APC: variants seen among roughly 807,000 people sequenced by gnomAD.
APC encodes the protein adenomatous polyposis coli protein.
A neutral mutation model predicts 247.0 loss-of-function variants in APC; 72 were observed. The ratio of observed to expected loss-of-function variants is 0.29; its 90% confidence interval spans 0.24 to 0.35. APC has a LOEUF of 0.35. Among genes scored for constraint, APC ranks in the 10% least tolerant of loss-of-function variants. The pLI, the probability that APC is intolerant of heterozygous loss-of-function variation, is 1.00. For missense variants in APC, 3,400 were observed against 3,360.7 expected (o/e 1.01, Z -0.29); for synonymous variants, 1,254 against 1,162.5 (o/e 1.08, Z -1.60).
At chr5:112,722,450 A>T (rs904122093) in intron 1 of APC, among the ~76,000 whole-genome samples, 5 of 152,168 alleles carry the variant, frequency 3.3e-5, no homozygotes, top group African/African-American at 1.2e-4. Flanking sequence ...TTCCCCACAC[A>T]CCAATAGTGG....
chr5:112,834,260 TAA>T lies in APC; in HGVS notation c.1744-687_1744-686del, dbSNP rs35769203. Reference sequence around the variant, plus strand: ...CGCCTTTTTTTTTTTTTTTTTTTTTTAAAAAGAGTTTCGCTCTGTCAGCCAGG... The same window carrying T: ...CGCCTTTTTTTTTTTTTTTTTTTTTTAAAGAGTTTCGCTCTGTCAGCCAGG... On this transcript the variant is annotated intron_variant, in intron 14 of 15. Coordinates refer to ENST00000257430, the MANE Select transcript of APC (RefSeq NM_000038.6). Among the ~76,000 whole-genome samples, 700 of 124,630 alleles carry T rather than the reference TAA, an allele frequency of 5.6e-3. 4 individuals carry two copies. Among genetic ancestry groups the T allele is most frequent in the Middle Eastern group, 0.013 (3 of 228 alleles). 81.8% of individuals were successfully genotyped at this position (124,630 alleles called of 152,430 possible).
intron 8 of APC, among the ~76,000 whole-genome samples, chr5:112,804,811 T>G (rs928512952): frequency 2.0e-5 from 3 of 151,904 alleles, no homozygotes; most frequent in African/African-American, 7.3e-5. Flanking sequence ...CTGGGCAACA[T>G]AGGGAGACTT....
intron 6 of APC, 143 bp downstream of exon 6, chr5:112,781,046 T>C: frequency 1.4e-6 from 1 of 689,736 alleles, no homozygotes; most frequent in South Asian, 1.6e-5. Context: ...AGATTTATCA[T>C]GGCTGCTGAG....
At position 112,838,280 on chromosome 5, in the gene APC, G is replaced by C. The variant is rs1222584945; in HGVS notation, c.2686G>C (p.Ala896Pro). The C allele has an allele frequency of 6.2e-7, 1 of 1,614,206 alleles. No homozygotes were observed. The highest frequency in any genetic ancestry group is 1.7e-5 in the Admixed American group (1 of 60,024). Residue 896 changes from alanine to proline, a missense_variant, in exon 16 of 16, where the codon GCC becomes CCC. This residue lies in a region of APC where 715 missense variants were observed against 656.6 expected (regional missense o/e 1.09). Transcript: ENST00000257430. ...TGCCAAAGTCATGGAAGAAGTGTCA[G>C]CCATTCATACCTCTCAGGAAGACAG... ...QIAKVMEEVS[A>P]IHTSQEDRSS... is the part of the protein sequence containing the mutation.
At chr5:112,751,304 T>C (rs1332837416) in intron 1 of APC, among the ~76,000 whole-genome samples, 1 of 152,092 alleles carries the variant, frequency 6.6e-6, no homozygotes. Flanking sequence ...TATTTTAATA[T>C]GTTGTTGGTT....
At chr5:112,832,334 C>G (rs1201154087) in intron 14 of APC, among the ~76,000 whole-genome samples, 1 of 152,122 alleles carries the variant, frequency 6.6e-6, no homozygotes, top group East Asian at 1.9e-4. Context: ...ACCTTTATCT[C>G]AGTCACAATG....
In APC at chr5:112,844,798, A is replaced by G. The variant is rs969827892; in HGVS notation, c.*672A>G. On this transcript the variant is annotated 3_prime_UTR_variant, in exon 16 of 16. Transcript: ENST00000257430. ...AAATCTGTGTAACTGTAAAACATTG[A>G]ATGAAACTATTTTACCTGAACTAGA... 3 of 232,196 alleles carry G rather than the reference A, an allele frequency of 1.3e-5. No homozygotes were observed. The highest frequency in any genetic ancestry group is 4.4e-5 in the African/African-American group (2 of 45,430). 14.4% of individuals were successfully genotyped at this position (232,196 alleles called of 1,614,324 possible).
At chr5:112,813,577 C>G (rs1000882281) in intron 8 of APC, among the ~76,000 whole-genome samples, 1 of 152,060 alleles carries the variant, frequency 6.6e-6, no homozygotes, top group African/African-American at 2.4e-5. Context: ...TGGAAGTTAT[C>G]TGGCAAACAG....
intron 5 of APC, 99 bp from the exon 6 acceptor site, chr5:112,780,691 G>T: frequency 1.2e-6 from 1 of 820,880 alleles, no homozygotes; most frequent in Non-Finnish European, 2.0e-6. Context: ...TGACGTATTT[G>T]CTTATTCATT....
At chr5:112,820,070 G>A (rs1011143915) in intron 10 of APC, among the ~76,000 whole-genome samples, 1 of 152,048 alleles carries the variant, frequency 6.6e-6, no homozygotes, top group African/African-American at 2.4e-5. Flanking sequence ...ACTCCCGCAG[G>A]AGCAGCATGG....
At chr5:112,791,949 A>G (rs958901813) in intron 6 of APC, among the ~76,000 whole-genome samples, 6 of 152,196 alleles carry the variant, frequency 3.9e-5, no homozygotes, top group African/African-American at 1.4e-4. Flanking sequence ...ATTACAAAAA[A>G]TTGAACTGAC....
chr5:112,777,965 T>G (rs934613172), intron 5 of APC: 1 of 186,676 alleles, frequency 5.4e-6, no homozygotes, highest in Admixed American at 5.6e-5. Flanking sequence ...AATTAAGAAA[T>G]GCTTCAATTA....
chr5:112,768,066 G>A (rs1580332431), intron 4 of APC, among the ~76,000 whole-genome samples: 1 of 134,884 alleles, frequency 7.4e-6, no homozygotes, highest in Non-Finnish European at 1.6e-5. Flanking sequence ...TTTTTGAGAT[G>A]CAGTTTCACT....
rs543204234 is a variant in APC at position 112,800,680 on chromosome 5, A to G, written c.730-599A>G. ...GACTGCTTTGTGCTAGGGATAATCTATCTTGAAATGACTGCTTTTACTGGA... is the reference window on the plus strand; with the variant it reads ...GACTGCTTTGTGCTAGGGATAATCTGTCTTGAAATGACTGCTTTTACTGGA... On this transcript the variant is annotated intron_variant, in intron 7 of 15. Coordinates refer to ENST00000257430, the MANE Select transcript of APC (RefSeq NM_000038.6). Among the ~76,000 whole-genome samples the G allele has an allele frequency of 1.2e-4, 19 of 152,266 alleles. No homozygotes were observed. The East Asian group carries it at 3.5e-3, about 28-fold the overall frequency.
At position 112,814,529 on chromosome 5, in the gene APC, G is replaced by A. The variant is rs1268576094; in HGVS notation, c.835-966G>A. On this transcript the variant is annotated intron_variant, in intron 8 of 15. Transcript: ENST00000257430. ...CTCAAGCCAGTTAATTTGACCTTCA[G>A]TTCAAGCCAATTAATTTGAATATCC... 2.0e-5 allele frequency among the ~76,000 whole-genome samples: 3 copies of A among 152,138 alleles called. No individual in the cohort carries two copies. The East Asian group carries it at 5.8e-4, about 29-fold the overall frequency.
chr5:112,804,227 C>T (rs1467530615), intron 8 of APC, among the ~76,000 whole-genome samples: 1 of 152,232 alleles, frequency 6.6e-6, no homozygotes, highest in Non-Finnish European at 1.5e-5. Context: ...TTCCTGCTCT[C>T]ATAGTGCTTA....
intron 2 of APC, among the ~76,000 whole-genome samples, chr5:112,760,244 T>C (rs1755502448): frequency 6.6e-6 from 1 of 152,092 alleles, no homozygotes; most frequent in Admixed American, 6.5e-5. Flanking sequence ...TTGACAAACA[T>C]GAGGGCAGAT....
chr5:112,737,166 T>G (rs1214871420), upstream of APC, among the ~76,000 whole-genome samples: 1 of 152,224 alleles, frequency 6.6e-6, no homozygotes. Context: ...CTTCTATGTA[T>G]GTGTCAGGGA....
chr5:112,824,904 T>A (rs1763487659), intron 11 of APC, among the ~76,000 whole-genome samples: 1 of 152,140 alleles, frequency 6.6e-6, no homozygotes. Context: ...TCTATGCTTC[T>A]GTTATAGTTT....
Sources: gnomAD v4.1 joint callset for allele counts (sites outside exome capture counted in the v4.1 genomes callset) on GRCh38, gnomAD v4.1.1 for gene constraint, gnomAD v4.1.1 regional missense constraint, MANE v1.5 for transcripts, NCBI Gene and HGNC (gene_info 2026-07-23, HGNC 2026-07-21) for gene names.